NT5C3A: variants seen among roughly 807,000 people sequenced by gnomAD.
NT5C3A encodes the protein cytosolic 5'-nucleotidase 3A.
Under a neutral mutation model 40.0 loss-of-function variants are expected in NT5C3A, and 23 were observed. That is an observed-to-expected ratio of 0.58 (90% CI 0.41 to 0.81). The LOEUF (loss-of-function observed/expected upper bound fraction) is 0.81. NT5C3A is among the 40% of genes least tolerant of loss of function. The pLI is 0.00. For synonymous variants in NT5C3A, 130 were observed against 141.4 expected, an observed-to-expected ratio of 0.92 and a Z score of 0.57; for missense variants, 328 against 403.0, an observed-to-expected ratio of 0.81 and a Z score of 1.59.
intron 1 of NT5C3A, among the ~76,000 whole-genome samples, chr7:33,028,685 C>T (rs551064966): frequency 6.8e-4 from 104 of 152,146 alleles, no homozygotes; most frequent in Non-Finnish European, 1.2e-3. Flanking sequence ...CGTGTTGTTC[C>T]TACATAATGG....
intron 1 of NT5C3A, chr7:33,029,797 G>T: frequency 1.1e-6 from 1 of 869,986 alleles, no homozygotes; most frequent in Non-Finnish European, 1.6e-6. Context: ...AAACTCCTGG[G>T]CTCAAGTGAT....
At position 33,014,443 on chromosome 7, in the gene NT5C3A, A is replaced by G. The variant is rs1450455406; in HGVS notation, c.*287T>C. ...TAAAAGACTCCTCAAAAGCTGCATGATAACATTAAACTACAAAATTCACTT... is the reference window on the plus strand; with the variant it reads ...TAAAAGACTCCTCAAAAGCTGCATGGTAACATTAAACTACAAAATTCACTT... On this transcript the variant is annotated 3_prime_UTR_variant, in exon 9 of 9. Coordinates refer to ENST00000610140, the MANE Select transcript of NT5C3A (RefSeq NM_001002010.5). 2.1e-6 allele frequency: 1 copy of G among 487,054 alleles called. No individual in the cohort carries two copies. Among genetic ancestry groups the G allele is most frequent in the Non-Finnish European group, 4.0e-6 (1 of 249,944 alleles). 30.2% of individuals were successfully genotyped at this position (487,054 alleles called of 1,614,324 possible). A position where few individuals can be genotyped will look rare whatever the true frequency, so the allele number is the denominator to read the frequency against.
intron 6 of NT5C3A, among the ~76,000 whole-genome samples, 181 bp from the exon 7 acceptor site, chr7:33,017,782 T>C (rs1204435046): frequency 1.3e-5 from 2 of 152,238 alleles, no homozygotes; most frequent in Non-Finnish European, 2.9e-5. Context: ...CAAACAACAG[T>C]TAACTCTTTA....
intron 1 of NT5C3A, among the ~76,000 whole-genome samples, chr7:33,033,896 T>TATATATATAA (rs10691796): frequency 6.7e-5 from 8 of 120,152 alleles, no homozygotes; most frequent in Admixed American, 1.7e-4. Context: ...ATATATATAA[T>TATATATATAA]TTTTTTTTTT....
intron 1 of NT5C3A, 144 bp downstream of exon 1, chr7:33,062,424 C>T: frequency 1.4e-6 from 1 of 703,452 alleles, no homozygotes; most frequent in Non-Finnish European, 2.3e-6. Flanking sequence ...CTGCGCGTCC[C>T]GAGCTAGCGA....
chr7:33,062,420 G>A, intron 1 of NT5C3A, 148 bp downstream of exon 1: 1 of 681,782 alleles, frequency 1.5e-6, no homozygotes, highest in African/African-American at 1.9e-5. Context: ...CAAGCTGCGC[G>A]TCCCGAGCTA....
At chr7:33,023,747 C>A (rs1209054883) in intron 3 of NT5C3A, 1 of 312,842 alleles carries the variant, frequency 3.2e-6, no homozygotes, top group Non-Finnish European at 6.0e-6. Flanking sequence ...TTCAGGTTAA[C>A]CCAAAGTTTA....
At position 33,021,623 on chromosome 7, in the gene NT5C3A, T is replaced by C. The variant is rs3750118; in HGVS notation, c.355-266A>G. Among the ~76,000 whole-genome samples the C allele has an allele frequency of 0.71, 108,218 of 151,956 alleles. 38,888 individuals are homozygous for C. The highest frequency in any genetic ancestry group is 0.77 in the African/African-American group (31,916 of 41,460). On this transcript the variant is annotated intron_variant, in intron 4 of 8. Transcript: ENST00000610140. Reference sequence around the variant, plus strand: ...AGTACAAAAAACACTTTAGTTTTCATATAAAGGTATTAAATTTGATTCACA... The same window carrying C: ...AGTACAAAAAACACTTTAGTTTTCACATAAAGGTATTAAATTTGATTCACA...
chr7:33,015,571 T>C, intron 8 of NT5C3A, 99 bp downstream of exon 8: 1 of 768,850 alleles, frequency 1.3e-6, no homozygotes, highest in African/African-American at 1.8e-5. Flanking sequence ...AAAAAAAGTC[T>C]CTAAAATAAC....
At chr7:33,023,993 A>G (rs758321136) in intron 3 of NT5C3A, 46 bp downstream of exon 3, 1 of 1,118,418 alleles carries the variant, frequency 8.9e-7, no homozygotes, top group Admixed American at 1.8e-5. Context: ...ATCTTAAAAT[A>G]ATGATGACAT....
intron 1 of NT5C3A, among the ~76,000 whole-genome samples, chr7:33,051,235 C>T (rs561636861): frequency 6.6e-6 from 1 of 152,198 alleles, no homozygotes; most frequent in South Asian, 2.1e-4. Flanking sequence ...GCAATCTTGG[C>T]TCACTGCAAC....
In NT5C3A at chr7:33,015,709, A is replaced by G; in HGVS notation, c.855T>C (p.Asn285=). The G allele has an allele frequency of 6.2e-7, 1 of 1,611,486 alleles. No homozygotes were observed. The highest frequency in any genetic ancestry group is 2.2e-5 in the East Asian group (1 of 44,850). The change falls in exon 8 of 9, where the codon AAT becomes AAC. Residue 285 remains asparagine (N), a synonymous_variant. Transcript: ENST00000610140. ...ATCCAATTTTCAGAATGTGCTCAAC[A>G]TTGGCCACTCCATCTGCCATTCTTA... ...GDLRMADGVA[N]VEHILKIGYL...
At chr7:33,045,463 T>A (rs550088593) in intron 1 of NT5C3A, among the ~76,000 whole-genome samples, 126 of 135,786 alleles carry the variant, frequency 9.3e-4, no homozygotes, top group African/African-American at 2.3e-3. Context: ...AAATGAAAAA[T>A]TTTTTTTTTT....
chr7:33,026,942 T>A, intron 1 of NT5C3A, 27 bp from the exon 2 acceptor site: 1 of 1,468,872 alleles, frequency 6.8e-7, no homozygotes, highest in Non-Finnish European at 9.5e-7. Flanking sequence ...ATTAATTAAT[T>A]AGTTTTCATT....
intron 1 of NT5C3A, among the ~76,000 whole-genome samples, chr7:33,053,564 G>GA (rs570010647): frequency 4.0e-4 from 5 of 12,382 alleles, no homozygotes; most frequent in African/African-American, 1.8e-3. Context: ...GGGAGGCTGA[G>GA]GGGGGAAGAC....
intron 1 of NT5C3A, among the ~76,000 whole-genome samples, chr7:33,037,983 A>T (rs752732978): frequency 1.6e-4 from 24 of 151,990 alleles, no homozygotes; most frequent in Admixed American, 3.3e-4. Context: ...ACAGTCATCC[A>T]GATTTTTAAC....
At chr7:33,062,433 G>A in intron 1 of NT5C3A, 135 bp downstream of exon 1, 1 of 781,878 alleles carries the variant, frequency 1.3e-6, no homozygotes, top group Non-Finnish European at 2.1e-6. Context: ...CCGAGCTAGC[G>A]AGATCCCAGC....
Position 33,046,613 on chromosome 7 carries a change from T to C in NT5C3A, c.138+15955A>G, listed in dbSNP as rs1026090437. On this transcript the variant is annotated intron_variant, in intron 1 of 8. Coordinates refer to ENST00000610140, the MANE Select transcript of NT5C3A (RefSeq NM_001002010.5). ...GTAAAATTGTTGAACATGAACTATATCTTTTTTACTTTCTTACTTAAAAAG... is the reference window on the plus strand; with the variant it reads ...GTAAAATTGTTGAACATGAACTATACCTTTTTTACTTTCTTACTTAAAAAG... 2.6e-5 allele frequency among the ~76,000 whole-genome samples: 4 copies of C among 152,298 alleles called. No homozygotes were observed. The East Asian group carries it at 7.7e-4, about 29-fold the overall frequency.
At chr7:33,045,522 C>T (rs547827540) in intron 1 of NT5C3A, among the ~76,000 whole-genome samples, 12 of 151,476 alleles carry the variant, frequency 7.9e-5, no homozygotes, top group Middle Eastern at 3.5e-3. Context: ...TGCAGTGGCA[C>T]GATCTCGGCT....
Sources: gnomAD v4.1 joint callset for allele counts (sites outside exome capture counted in the v4.1 genomes callset) on GRCh38, gnomAD v4.1.1 for gene constraint, MANE v1.5 for transcripts, NCBI Gene and HGNC (gene_info 2026-07-23, HGNC 2026-07-21) for gene names.